The following STAT3 variants were observed in gnomAD, a reference collection of about 807,000 sequenced individuals.
The protein encoded by STAT3 is DNA-binding protein APRF.
A neutral mutation model predicts 114.3 loss-of-function variants in STAT3; 7 were observed. The observed-to-expected ratio is 0.06, with a 90% CI of 0.03 to 0.11. The LOEUF is 0.11. Ranked by LOEUF, STAT3 falls within the 10% of genes least tolerant of loss-of-function variation. The probability of loss-of-function intolerance (pLI) is 1.00; values close to 1 mark genes in which losing one functional copy is unlikely to be tolerated. For missense variants in STAT3, 364 were observed against 960.9 expected (o/e 0.38, Z 8.21); for synonymous variants, 331 against 354.5 (o/e 0.93, Z 0.74).
At chr17:42,379,583 T>G (rs1027113613) in intron 1 of STAT3, among the ~76,000 whole-genome samples, 2 of 152,272 alleles carry the variant, frequency 1.3e-5, no homozygotes, top group African/African-American at 4.8e-5. Context: ...TTTACCTGAC[T>G]CAAAATAAGG....
chr17:42,371,676 CAAAAAAAA>C (rs71359559), intron 1 of STAT3, among the ~76,000 whole-genome samples: 1 of 91,010 alleles, frequency 1.1e-5, no homozygotes, highest in East Asian at 3.1e-4. Context: ...AACTCTGTCT[CAAAAAAAA>C]AAAAAAAAAA....
At chr17:42,319,905 C>G (rs1028575496) in intron 21 of STAT3, among the ~76,000 whole-genome samples, 1 of 152,188 alleles carries the variant, frequency 6.6e-6, no homozygotes, top group African/African-American at 2.4e-5. Context: ...GCAAATTACT[C>G]AAGTAATTAG....
At chr17:42,323,881 G>C (rs1475914216) in intron 17 of STAT3, among the ~76,000 whole-genome samples, 4 of 152,172 alleles carry the variant, frequency 2.6e-5, no homozygotes, top group Non-Finnish European at 4.4e-5. Context: ...TCCCAACCTC[G>C]GGTGGTAGGC....
intron 1 of STAT3, among the ~76,000 whole-genome samples, chr17:42,371,129 C>T (rs2084101322): frequency 6.6e-6 from 1 of 152,116 alleles, no homozygotes; most frequent in Non-Finnish European, 1.5e-5. Flanking sequence ...AGATTTCTGG[C>T]TTGCACAAAG....
Position 42,337,509 on chromosome 17 carries a change from A to C in STAT3, c.723T>G (p.Ala241=). 3.7e-6 allele frequency: 6 copies of C among 1,614,224 alleles called. No homozygotes were observed. In the South Asian group the frequency reaches 5.5e-5, roughly 15 times the overall value. ...VQKTLTDEEL[A]DWKRRQQIAC... ...CAATCTGTTGCCGCCTCTTCCAGTC[A>C]GCCAGCTCCTCGTCCGTGAGAGTTT... Residue 241 remains alanine, a synonymous_variant, in exon 8 of 24, where the codon GCT becomes GCG. Transcript: ENST00000264657. The surrounding 1 kb of genome is among the most constrained non-coding windows in gnomAD (Gnocchi z 4.0).
At chr17:42,319,063 A>T (rs1452017851) in intron 21 of STAT3, among the ~76,000 whole-genome samples, 1 of 152,116 alleles carries the variant, frequency 6.6e-6, no homozygotes, top group Admixed American at 6.5e-5. Flanking sequence ...CAACATGGGG[A>T]AACCCTGTCT....
chr17:42,358,933 CTTTTTTTTT>C (rs35099574), intron 1 of STAT3, among the ~76,000 whole-genome samples: 3 of 100,500 alleles, frequency 3.0e-5, no homozygotes, highest in Admixed American at 1.2e-4. Context: ...ACATTTCTTA[CTTTTTTTTT>C]TTTTTTTTTT....
In STAT3 at chr17:42,334,069, G is replaced by T. The variant is rs1170307405; in HGVS notation, c.798-20C>A. On this transcript the variant is annotated intron_variant, in intron 8 of 23. Transcript: ENST00000264657. Reference sequence around the variant, plus strand: ...GTTATCCTGCCAATAAATTAAGAAAGATGCTAATTACCAAAGTGAATGTAT... The same window carrying T: ...GTTATCCTGCCAATAAATTAAGAAATATGCTAATTACCAAAGTGAATGTAT... The T allele has an allele frequency of 6.2e-7, 1 of 1,613,874 alleles. No individual in the cohort carries two copies. Among genetic ancestry groups the T allele is most frequent in the Non-Finnish European group, 8.5e-7 (1 of 1,180,010 alleles).
rs1031208471 is a variant in STAT3 at position 42,350,748 on chromosome 17, T to C, written c.-23-2209A>G. Among the ~76,000 whole-genome samples the C allele has an allele frequency of 7.2e-5, 11 of 152,270 alleles. No individual in the cohort carries two copies. In the South Asian group the frequency reaches 1.7e-3, roughly 23 times the overall value. ...GTAGTACCTCCCAGCAGTCTTTACA[T>C]TGAATAATTAATAATCTAAGGCAGC... On this transcript the variant is annotated intron_variant, in intron 1 of 23. Transcript: ENST00000264657.
chr17:42,359,698 T>C (rs1391480179), intron 1 of STAT3, among the ~76,000 whole-genome samples: 1 of 152,234 alleles, frequency 6.6e-6, no homozygotes, highest in Non-Finnish European at 1.5e-5. Flanking sequence ...CATTTCATAA[T>C]TGTAACAACC....
In STAT3 at chr17:42,348,496, T is replaced by C; in HGVS notation, c.21A>G (p.Leu7=). MAQWNQ[L]QQLDTRYLEQ... The stretch of plus-strand genomic sequence containing the variant: ...CCAGGTACCGTGTGTCAAGCTGCTG[T>C]AGCTGATTCCATTGGGCCATCCTGC... The change falls in exon 2 of 24, where the codon CTA becomes CTG. Residue 7 remains leucine (L), a synonymous_variant. Coordinates refer to ENST00000264657, the MANE Select transcript of STAT3 (RefSeq NM_139276.3). 6.8e-6 allele frequency: 11 copies of C among 1,613,860 alleles called. No homozygotes were observed. The highest frequency in any genetic ancestry group is 7.6e-6 in the Non-Finnish European group (9 of 1,180,006).
In STAT3 at chr17:42,322,267, T is replaced by C. The variant is rs751729273; in HGVS notation, c.2101+15A>G. The C allele has an allele frequency of 1.2e-6, 2 of 1,614,160 alleles. No individual in the cohort carries two copies. Among genetic ancestry groups the C allele is most frequent in the Non-Finnish European group, 1.7e-6 (2 of 1,179,994 alleles). ...TCCCAAAAATTAAATGCCAGGAACA[T>C]GGAAAATCAACAACTACCTGGGTCA... On this transcript the variant is annotated intron_variant, in intron 21 of 23. Transcript: ENST00000264657.
At chr17:42,321,505 A>G (rs1439406488) in intron 21 of STAT3, among the ~76,000 whole-genome samples, 1 of 152,094 alleles carries the variant, frequency 6.6e-6, no homozygotes, top group African/African-American at 2.4e-5. Context: ...TGCACACTCT[A>G]AATACTAATC....
chr17:42,337,735 G>A lies in STAT3; in HGVS notation c.645+28C>T. 1 of 1,613,326 alleles carries A rather than the reference G, an allele frequency of 6.2e-7. No individual in the cohort carries two copies. Among genetic ancestry groups the A allele is most frequent in the Non-Finnish European group, 8.5e-7 (1 of 1,179,290 alleles). ...ATCCCGCAAGTGAGCGAGACACATG[G>A]GGGAAGTGGTCCGACCTATGCCCTT... On this transcript the variant is annotated intron_variant, in intron 7 of 23. Transcript: ENST00000264657. The surrounding 1 kb of genome is among the most constrained non-coding windows in gnomAD (Gnocchi z 4.0).
At chr17:42,374,610 C>CAA (rs1260078348) in intron 1 of STAT3, among the ~76,000 whole-genome samples, 5,685 of 120,428 alleles carry the variant, frequency 0.047, 242 homozygotes, top group Non-Finnish European at 0.065. Flanking sequence ...AACTCCATCT[C>CAA]AAAAAAAAAA....
rs34003618 is a variant in STAT3, at chr17:42,366,670, CAAAAAAAA to C, written c.-23-18139_-23-18132del. The stretch of plus-strand genomic sequence containing the variant: ...TGGGAGACAGAGTAAGATCCTGTCT[CAAAAAAAA>C]AAAAAAAAAAAAAAAAGGAAGGTGA... On this transcript the variant is annotated intron_variant, in intron 1 of 23. Transcript: ENST00000264657. 2.1e-4 allele frequency among the ~76,000 whole-genome samples: 12 copies of C among 57,602 alleles called. No homozygotes were observed. In the East Asian group the frequency reaches 4.5e-3, roughly 22 times the overall value. 37.8% of individuals were successfully genotyped at this position (57,602 alleles called of 152,430 possible).
At chr17:42,315,888 C>T (rs2081228514) in intron 23 of STAT3, 88 bp from the exon 24 acceptor site, 1 of 1,608,970 alleles carries the variant, frequency 6.2e-7, no homozygotes, top group Admixed American at 1.7e-5. Context: ...GGACAGGGCC[C>T]AGGCTACCAC....
At chr17:42,379,031 A>C (rs1218660786) in intron 1 of STAT3, among the ~76,000 whole-genome samples, 1 of 152,158 alleles carries the variant, frequency 6.6e-6, no homozygotes, top group African/African-American at 2.4e-5. Flanking sequence ...CAATCAAACA[A>C]AGCGGGAAAC....
chr17:42,376,637 G>A (rs1486348184), intron 1 of STAT3, among the ~76,000 whole-genome samples: 1 of 151,776 alleles, frequency 6.6e-6, no homozygotes, highest in African/African-American at 2.4e-5. Flanking sequence ...ACAAGGTCAG[G>A]AGATAGAGAC....
Sources: allele counts gnomAD v4.1 joint callset (sites outside exome capture counted in the v4.1 genomes callset), GRCh38; gene constraint gnomAD v4.1.1; non-coding constraint Gnocchi (gnomAD v3.1); transcripts MANE v1.5; gene names NCBI Gene and HGNC (gene_info 2026-07-23, HGNC 2026-07-21).